Variants in ERICH2 observed in about 807,000 individuals in gnomAD.
ERICH2 encodes the protein glutamate rich 2, also known as glutamate-rich protein 2.
In ERICH2, 17 loss-of-function variants were observed where a neutral mutation model predicts 17.4. The observed-to-expected ratio is 0.98, with a 90% CI of 0.67 to 1.47. The LOEUF (loss-of-function observed/expected upper bound fraction) is 1.47. Ranked by LOEUF, ERICH2 falls within the 40% of genes most tolerant of loss-of-function variation. The probability of loss-of-function intolerance (pLI) is 0.00; values close to 1 mark genes in which losing one functional copy is unlikely to be tolerated. For missense variants in ERICH2, 186 were observed against 183.2 expected (o/e 1.01, Z -0.09); for synonymous variants, 51 against 61.1 (o/e 0.83, Z 0.77).
At chr2:170,781,995 T>C (rs1701040997), upstream of ERICH2, among the ~76,000 whole-genome samples, 3 of 152,226 alleles carry the variant, frequency 2.0e-5, no homozygotes, top group Non-Finnish European at 4.4e-5. Flanking sequence ...TTAAATGCTC[T>C]GTGTTAAAGA....
At chr2:170,775,775 G>T in the ERICH2 span, 1 of 154,216 alleles carries the variant, frequency 6.5e-6, no homozygotes, top group South Asian at 2.0e-4. Flanking sequence ...CTTGGTCAGG[G>T]TTCCCCAGAA....
exon 2 of ERICH2, chr2:170,784,742 A>T (rs903898308): frequency 1.9e-6 from 3 of 1,547,024 alleles, no homozygotes; most frequent in Non-Finnish European, 2.6e-6. Context: ...TCAGCAGAGG[A>T]TGATGGTGAA....
intron 2 of ERICH2, among the ~76,000 whole-genome samples, chr2:170,790,182 T>C (rs999104358): frequency 1.6e-4 from 24 of 152,196 alleles, no homozygotes; most frequent in Admixed American, 1.5e-3. Flanking sequence ...CTAAATGGCA[T>C]GAATGTAAAA....
At chr2:170,789,619 C>G (rs1047616279) in intron 2 of ERICH2, among the ~76,000 whole-genome samples, 1 of 152,226 alleles carries the variant, frequency 6.6e-6, no homozygotes, top group South Asian at 2.1e-4. Flanking sequence ...TAATTCTCAT[C>G]AAGGGCTTCT....
intron 4 of ERICH2, 28 bp from the exon 10 acceptor site, chr2:170,798,742 T>G: frequency 6.5e-7 from 1 of 1,549,840 alleles, no homozygotes; most frequent in Non-Finnish European, 8.7e-7. Flanking sequence ...AGAAACACCT[T>G]AAGCAATCCT....
At chr2:170,791,618 A>T (rs1701292527) in intron 2 of ERICH2, among the ~76,000 whole-genome samples, 1 of 151,582 alleles carries the variant, frequency 6.6e-6, no homozygotes, top group African/African-American at 2.4e-5. Flanking sequence ...TGAACCCGGG[A>T]GGCAGAGCTT....
intron 4 of ERICH2, 80 bp from the exon 10 acceptor site, chr2:170,798,690 G>T: frequency 2.0e-6 from 3 of 1,504,080 alleles, no homozygotes; most frequent in Non-Finnish European, 2.7e-6. Context: ...TTTCTTGGTA[G>T]AGGGAGGGGC....
At chr2:170,798,531 A>T (rs988291114) in intron 4 of ERICH2, among the ~76,000 whole-genome samples, 1 of 152,368 alleles carries the variant, frequency 6.6e-6, no homozygotes, top group Admixed American at 6.5e-5. Context: ...AATTTCATTG[A>T]CAATAGTAAA....
chr2:170,782,356 C>A, upstream of ERICH2: 1 of 983,094 alleles, frequency 1.0e-6, no homozygotes, highest in Non-Finnish European at 1.2e-6. Flanking sequence ...ACAGTCTGAC[C>A]TATTGTCATC....
At chr2:170,797,273 T>C (rs1313920531) in intron 3 of ERICH2, among the ~76,000 whole-genome samples, 1 of 152,200 alleles carries the variant, frequency 6.6e-6, no homozygotes, top group Admixed American at 6.5e-5. Flanking sequence ...ACTTCCTCTG[T>C]GTTCCGATGA....
chr2:170,778,725 A>T, the ERICH2 span, among the ~76,000 whole-genome samples: 1 of 152,176 alleles, frequency 6.6e-6, no homozygotes, highest in East Asian at 1.9e-4. Flanking sequence ...AATCTAAAAA[A>T]TGTTTAGTTG....
At chr2:170,775,674 G>C in the ERICH2 span, 1 of 152,542 alleles carries the variant, frequency 6.6e-6, no homozygotes, top group South Asian at 2.1e-4. Flanking sequence ...CCACAACTGT[G>C]TTTCCCCAAA....
intron 2 of ERICH2, among the ~76,000 whole-genome samples, chr2:170,785,848 T>C (rs995147117): frequency 6.6e-6 from 1 of 152,160 alleles, no homozygotes; most frequent in African/African-American, 2.4e-5. Context: ...TTACTGATAA[T>C]TCTATGGAGA....
At chr2:170,783,167 G>A (rs569983707), upstream of ERICH2, 3 of 151,862 alleles carry the variant, frequency 2.0e-5, no homozygotes, top group Non-Finnish European at 4.4e-5. Flanking sequence ...TAAAAAAATA[G>A]GCTGATGCAA....
chr2:170,795,145 A>T (rs1210452979), intron 3 of ERICH2, among the ~76,000 whole-genome samples: 1 of 151,710 alleles, frequency 6.6e-6, no homozygotes, highest in Non-Finnish European at 1.5e-5. Context: ...ACACCCACTA[A>T]TTTTTGTATT....
intron 4 of ERICH2, 32 bp from the exon 10 acceptor site, chr2:170,798,738 A>G: frequency 6.5e-7 from 1 of 1,548,282 alleles, no homozygotes; most frequent in Non-Finnish European, 8.7e-7. Flanking sequence ...ATTAAGAAAC[A>G]CCTTAAGCAA....
At chr2:170,781,994 C>G (rs1490606790), upstream of ERICH2, among the ~76,000 whole-genome samples, 2 of 152,100 alleles carry the variant, frequency 1.3e-5, no homozygotes, top group South Asian at 2.1e-4. Context: ...CTTAAATGCT[C>G]TGTGTTAAAG....
At chr2:170,788,795 A>C (rs1418518046) in intron 2 of ERICH2, among the ~76,000 whole-genome samples, 1 of 151,694 alleles carries the variant, frequency 6.6e-6, no homozygotes, top group African/African-American at 2.4e-5. Flanking sequence ...AAATTTTAAA[A>C]CCTATAGAAA....
intron 3 of ERICH2, among the ~76,000 whole-genome samples, chr2:170,797,299 A>AAG (rs546838224): frequency 8.3e-4 from 126 of 152,358 alleles, no homozygotes; most frequent in African/African-American, 2.8e-3. Context: ...TTAGTAAAGG[A>AAG]TGTCATGTAG....
Sources: gnomAD v4.1 joint callset for allele counts (sites outside exome capture counted in the v4.1 genomes callset) on GRCh38, gnomAD v4.1.1 for gene constraint, MANE v1.5 for transcripts, NCBI Gene and HGNC (gene_info 2026-07-23, HGNC 2026-07-21) for gene names.